The following BID variants were observed in gnomAD, a reference collection of about 807,000 sequenced individuals.
BID encodes the protein BH3-interacting domain death agonist.
BID carries 19 observed loss-of-function variants against 17.4 expected under a neutral mutation model. The observed-to-expected ratio is 1.09, with a 90% CI of 0.76 to 1.60. The LOEUF (loss-of-function observed/expected upper bound fraction) is 1.60. BID is among the 40% of genes most tolerant of loss of function. The pLI is 0.00. For missense variants in BID, 226 were observed against 256.0 expected, an observed-to-expected ratio of 0.88 and a Z score of 0.80; for synonymous variants, 108 against 102.8, an observed-to-expected ratio of 1.05 and a Z score of -0.31.
Position 17,747,240 on chromosome 22 carries a change from C to T in BID, c.12+2865G>A, listed in dbSNP as rs546182151. Among the ~76,000 whole-genome samples, 4 of 152,322 alleles carry T rather than the reference C, an allele frequency of 2.6e-5. No homozygotes were observed. In the South Asian group the frequency reaches 8.3e-4, roughly 32 times the overall value. ...GCCGGCCCTGCAGGACAGGAGTGGGCTCGGAAGATGGATGCCATTTAATTC... is the reference window on the plus strand; with the variant it reads ...GCCGGCCCTGCAGGACAGGAGTGGGTTCGGAAGATGGATGCCATTTAATTC... On this transcript the variant is annotated intron_variant, in intron 2 of 5. Coordinates refer to ENST00000622694, the MANE Select transcript of BID (RefSeq NM_001196.4).
intron 2 of BID, among the ~76,000 whole-genome samples, chr22:17,747,005 C>T (rs541453068): frequency 5.3e-5 from 8 of 151,510 alleles, no homozygotes; most frequent in East Asian, 3.9e-4. Flanking sequence ...GGACACAGAG[C>T]GGTGCTGCCA....
intron 1 of BID, among the ~76,000 whole-genome samples, chr22:17,762,835 A>C (rs938056072): frequency 6.6e-6 from 1 of 151,664 alleles, no homozygotes; most frequent in African/African-American, 2.4e-5. Flanking sequence ...GAGACCAAAA[A>C]GTTTGAGAAG....
At chr22:17,760,877 T>C (rs1256737649) in intron 1 of BID, among the ~76,000 whole-genome samples, 1 of 152,188 alleles carries the variant, frequency 6.6e-6, no homozygotes, top group Non-Finnish European at 1.5e-5. Context: ...TATTCAGATA[T>C]TTCTGAATAT....
intron 2 of BID, among the ~76,000 whole-genome samples, chr22:17,748,491 C>G (rs1181841609): frequency 1.3e-5 from 2 of 150,360 alleles, no homozygotes; most frequent in African/African-American, 4.9e-5. Flanking sequence ...CTGGGCGACA[C>G]AGAGACTCAA....
chr22:17,763,447 C>T (rs5746475), intron 1 of BID, among the ~76,000 whole-genome samples: 80,177 of 151,470 alleles, frequency 0.53, 23,218 homozygotes, highest in African/African-American at 0.76. Flanking sequence ...TTCCTCCGTG[C>T]TGGTCAAGCT....
intron 1 of BID, among the ~76,000 whole-genome samples, chr22:17,756,803 T>G (rs989075070): frequency 3.9e-5 from 6 of 151,958 alleles, no homozygotes; most frequent in Non-Finnish European, 7.4e-5. Context: ...CTCAAACTCC[T>G]GACCTTGCGA....
Position 17,773,776 on chromosome 22 carries a change from G to GA in BID, c.-59+604_-59+605insT. On this transcript the variant is annotated intron_variant, in intron 1 of 5. Coordinates refer to ENST00000622694, the MANE Select transcript of BID (RefSeq NM_001196.4). This position sits in a 1 kb window ranked among gnomAD's most constrained non-coding sequence, Gnocchi z 4.4. Reference sequence around the variant, plus strand: ...TCAGAGCTCTCCCAGGGTCCCCTGGGGTCATTCAGCCACTCAACAGTTTCC... The same window carrying GA: ...TCAGAGCTCTCCCAGGGTCCCCTGGGAGTCATTCAGCCACTCAACAGTTTCC... The GA allele has an allele frequency of 7.0e-6, 9 of 1,292,598 alleles. No individual in the cohort carries two copies. The highest frequency in any genetic ancestry group is 1.5e-5 in the African/African-American group (1 of 67,752). The allele number at this position is 1,292,598 out of a possible 1,614,324, so 80.1% of individuals were successfully genotyped here. A position where few individuals can be genotyped will look rare whatever the true frequency, so the allele number is the denominator to read the frequency against.
intron 1 of BID, among the ~76,000 whole-genome samples, chr22:17,757,839 C>T (rs1408156475): frequency 3.3e-5 from 5 of 152,196 alleles, no homozygotes; most frequent in African/African-American, 7.2e-5. Context: ...GGGACTCGGC[C>T]GCTGTCACTC....
chr22:17,760,798 G>GA (rs1346069559), intron 1 of BID, among the ~76,000 whole-genome samples: 1 of 152,268 alleles, frequency 6.6e-6, no homozygotes, highest in East Asian at 1.9e-4. Flanking sequence ...CCCACATGGG[G>GA]AACATCAGCA....
At chr22:17,753,068 G>A (rs1285555957) in intron 1 of BID, among the ~76,000 whole-genome samples, 10 of 144,566 alleles carry the variant, frequency 6.9e-5, no homozygotes, top group African/African-American at 1.3e-4. Context: ...CCGGGTTCAC[G>A]CCATTCTCCT....
chr22:17,756,020 A>G (rs181412), intron 1 of BID, among the ~76,000 whole-genome samples: 72,431 of 151,622 alleles, frequency 0.48, 18,021 homozygotes, highest in East Asian at 0.82. Flanking sequence ...GGCACACACC[A>G]CCACACCTGA....
rs185736903 is a variant in BID at position 17,758,674 on chromosome 22, A to G, written c.-58-8500T>C. Among the ~76,000 whole-genome samples the G allele has an allele frequency of 1.1e-4, 16 of 152,322 alleles. No individual in the cohort carries two copies. The South Asian group carries it at 1.5e-3, about 14-fold the overall frequency. On this transcript the variant is annotated intron_variant, in intron 1 of 5. Transcript: ENST00000622694. The stretch of plus-strand genomic sequence containing the variant: ...TGAAAGGACAAATACATGTGGTTCT[A>G]TCTCCAAGGGGTGCCCAGAGTAGTC...
Position 17,735,563 on chromosome 22 carries a change from C to T in BID, c.*17G>A. 6.2e-7 allele frequency: 1 copy of T among 1,614,190 alleles called. No homozygotes were observed. The highest frequency in any genetic ancestry group is 8.5e-7 in the Non-Finnish European group (1 of 1,180,046). On this transcript the variant is annotated 3_prime_UTR_variant, in exon 6 of 6. Coordinates refer to ENST00000622694, the MANE Select transcript of BID (RefSeq NM_001196.4). ...CCACATCGAGCTTTAGCCAGTCACA[C>T]TTCTGGAACTGTCCGTTCAGTCCAT...
At chr22:17,771,257 G>A (rs1477849526) in intron 1 of BID, among the ~76,000 whole-genome samples, 1 of 152,062 alleles carries the variant, frequency 6.6e-6, no homozygotes, top group Admixed American at 6.5e-5. Context: ...CCCCCACCAC[G>A]CACAGCTAAT....
rs554665303 is a variant in BID at position 17,768,237 on chromosome 22, G to A, written c.-59+6144C>T. The stretch of plus-strand genomic sequence containing the variant: ...GCCACTGAACTGTGCCCTTTGATGG[G>A]TGAATTTTATGGCATGTGCAGTATG... On this transcript the variant is annotated intron_variant, in intron 1 of 5. Transcript: ENST00000622694. 8.5e-5 allele frequency among the ~76,000 whole-genome samples: 13 copies of A among 152,348 alleles called. No homozygotes were observed. In the East Asian group the frequency reaches 2.5e-3, roughly 29 times the overall value.
At chr22:17,772,269 C>T (rs974585066) in intron 1 of BID, among the ~76,000 whole-genome samples, 1 of 152,266 alleles carries the variant, frequency 6.6e-6, no homozygotes, top group Admixed American at 6.5e-5. Flanking sequence ...CCGCTGAGGG[C>T]GGTCCGCCAG....
At chr22:17,753,028 G>A (rs1474122982) in intron 1 of BID, among the ~76,000 whole-genome samples, 7 of 133,394 alleles carry the variant, frequency 5.2e-5, no homozygotes, top group East Asian at 2.4e-4. Context: ...GTGCAGTGGC[G>A]CAATCTCGGC....
intron 1 of BID, among the ~76,000 whole-genome samples, chr22:17,763,626 T>C (rs1376395353): frequency 1.3e-5 from 2 of 148,272 alleles, no homozygotes; most frequent in African/African-American, 5.3e-5. Flanking sequence ...TCCAGACACA[T>C]GTTTAGCAGA....
intron 3 of BID, chr22:17,740,096 C>T (rs1417369347): frequency 6.2e-7 from 1 of 1,609,138 alleles, no homozygotes; most frequent in East Asian, 2.2e-5. Context: ...GTCGCAGCTC[C>T]ATGAAGGCCA....
Sources: gnomAD v4.1 joint callset for allele counts (sites outside exome capture counted in the v4.1 genomes callset) on GRCh38, gnomAD v4.1.1 for gene constraint, Gnocchi (gnomAD v3.1) non-coding constraint, MANE v1.5 for transcripts, NCBI Gene and HGNC (gene_info 2026-07-23, HGNC 2026-07-21) for gene names.